The following TRIM5 variants were observed in gnomAD, a reference collection of about 807,000 sequenced individuals.
TRIM5 encodes the protein tripartite motif-containing protein 5.
In TRIM5, 31 loss-of-function variants were observed where a neutral mutation model predicts 35.6. That is an observed-to-expected ratio of 0.87 (90% CI 0.65 to 1.18). TRIM5 has a LOEUF of 1.18. Ranked by LOEUF, TRIM5 falls within the 50% of genes most tolerant of loss-of-function variation. TRIM5 has a pLI of 0.00. For missense variants in TRIM5, 609 were observed against 591.6 expected (o/e 1.03, Z -0.31); for synonymous variants, 243 against 215.6 (o/e 1.13, Z -1.11).
At chr11:5,646,415 T>C in the TRIM5 span, among the ~76,000 whole-genome samples, 2 of 152,154 alleles carry the variant, frequency 1.3e-5, no homozygotes, top group African/African-American at 4.8e-5. Flanking sequence ...TATGACCACA[T>C]CATCAGCACA....
At chr11:5,642,762 T>C in the TRIM5 span, 2 of 1,609,534 alleles carry the variant, frequency 1.2e-6, no homozygotes, top group Admixed American at 1.7e-5. Context: ...TATATAGGTA[T>C]CAGTGCTTAC....
chr11:5,592,964 G>C, the TRIM5 span, among the ~76,000 whole-genome samples: 5 of 148,216 alleles, frequency 3.4e-5, no homozygotes, highest in Admixed American at 2.0e-4. Flanking sequence ...GAAAAAATGA[G>C]AGGAAAGTAG....
chr11:5,620,759 T>A, the TRIM5 span, among the ~76,000 whole-genome samples: 1 of 152,154 alleles, frequency 6.6e-6, no homozygotes, highest in African/African-American at 2.4e-5. Context: ...TCCTCCAGAT[T>A]AGCTTCTTCT....
At chr11:5,605,453 G>C in the TRIM5 span, 1 of 1,614,192 alleles carries the variant, frequency 6.2e-7, no homozygotes, top group Non-Finnish European at 8.5e-7. Context: ...AGAAGAAGGG[G>C]CTACGAATTA....
the TRIM5 span, among the ~76,000 whole-genome samples, chr11:5,629,268 C>A: frequency 6.6e-6 from 1 of 151,820 alleles, no homozygotes; most frequent in East Asian, 1.9e-4. Flanking sequence ...CAGAGCGAAA[C>A]TCCATCTCAA....
At chr11:5,645,867 G>A in the TRIM5 span, 50 of 135,594 alleles carry the variant, frequency 3.7e-4, no homozygotes, top group East Asian at 9.5e-4. Flanking sequence ...TAGTCTTCTG[G>A]AAAAAAAAAA....
the TRIM5 span, among the ~76,000 whole-genome samples, chr11:5,594,063 G>A: frequency 2.0e-5 from 3 of 152,230 alleles, no homozygotes; most frequent in South Asian, 6.2e-4. Context: ...TCTTTGCACG[G>A]ATATGTTTTC....
At chr11:5,630,516 A>G in the TRIM5 span, among the ~76,000 whole-genome samples, 1 of 152,214 alleles carries the variant, frequency 6.6e-6, no homozygotes, top group Non-Finnish European at 1.5e-5. Context: ...GGCTTTTTGC[A>G]TATCAGCCAC....
chr11:5,665,361 A>G lies in TRIM5; in HGVS notation c.930T>C (p.Cys310=). The change falls in exon 8 of 8, where the codon TGT becomes TGC. Residue 310 remains cysteine, a synonymous_variant. Transcript: ENST00000380034. The part of the protein sequence containing the change: ...DVTVAPNNIS[C]AVISEDKRQV... ...GTCTCTTATCTTCAGAAATGACAGCACATGAAATGTTGTTTGGAGCCACTG... is the reference window on the plus strand; with the variant it reads ...GTCTCTTATCTTCAGAAATGACAGCGCATGAAATGTTGTTTGGAGCCACTG... 6.2e-7 allele frequency: 1 copy of G among 1,612,992 alleles called. No homozygotes were observed. The highest frequency in any genetic ancestry group is 8.5e-7 in the Non-Finnish European group (1 of 1,179,516).
the TRIM5 span, chr11:5,611,202 A>G: frequency 6.2e-7 from 1 of 1,614,090 alleles, no homozygotes; most frequent in Non-Finnish European, 8.5e-7. Context: ...TGAGGCTGGT[A>G]CTGTCTCCTT....
At chr11:5,601,859 A>T in the TRIM5 span, among the ~76,000 whole-genome samples, 1 of 152,110 alleles carries the variant, frequency 6.6e-6, no homozygotes, top group Non-Finnish European at 1.5e-5. Flanking sequence ...TATGTGGAGC[A>T]GGGCCGTTAA....
the TRIM5 span, among the ~76,000 whole-genome samples, chr11:5,629,896 T>C: frequency 6.6e-6 from 1 of 152,054 alleles, no homozygotes; most frequent in Admixed American, 6.6e-5. Flanking sequence ...TTAGTAGAGA[T>C]GGGGTTTCAC....
the TRIM5 span, among the ~76,000 whole-genome samples, chr11:5,640,138 T>C: frequency 6.6e-6 from 1 of 152,218 alleles, no homozygotes; most frequent in African/African-American, 2.4e-5. Context: ...CTGCCCTGAC[T>C]AGAACCTCCA....
At chr11:5,633,559 ATACT>A in the TRIM5 span, among the ~76,000 whole-genome samples, 1 of 152,220 alleles carries the variant, frequency 6.6e-6, no homozygotes, top group Non-Finnish European at 1.5e-5. Flanking sequence ...TGCAGGGTAA[ATACT>A]TACTCTAAGG....
chr11:5,664,754 G>A lies in TRIM5; in HGVS notation c.*55C>T. ...ATGATGCAAATGAGTTCAGGTGTAT[G>A]AGATGCACCTGGACAAGAGGTGCTG... On this transcript the variant is annotated 3_prime_UTR_variant, in exon 8 of 8. Transcript: ENST00000380034. 6.6e-7 allele frequency: 1 copy of A among 1,521,244 alleles called. No individual in the cohort carries two copies. The highest frequency in any genetic ancestry group is 1.4e-5 in the South Asian group (1 of 73,902). The allele number at this position is 1,521,244 out of a possible 1,614,324, so 94.2% of individuals were successfully genotyped here.
At chr11:5,595,150 A>T in the TRIM5 span, 1 of 152,216 alleles carries the variant, frequency 6.6e-6, no homozygotes, top group African/African-American at 2.4e-5. Flanking sequence ...TCCTCCGTCC[A>T]GACTTTTGTA....
the TRIM5 span, chr11:5,604,570 GA>G: frequency 1.9e-6 from 3 of 1,613,218 alleles, no homozygotes; most frequent in Non-Finnish European, 2.5e-6. Context: ...GCTGAAGAAC[GA>G]GGAGCAGGAA....
At chr11:5,598,644 A>G in the TRIM5 span, among the ~76,000 whole-genome samples, 1 of 152,192 alleles carries the variant, frequency 6.6e-6, no homozygotes, top group Non-Finnish European at 1.5e-5. Context: ...TCAAAATCCA[A>G]TGTGTATTTT....
chr11:5,636,683 A>G, the TRIM5 span, among the ~76,000 whole-genome samples: 1 of 152,184 alleles, frequency 6.6e-6, no homozygotes, highest in Non-Finnish European at 1.5e-5. Flanking sequence ...CTTAGTTGCT[A>G]TTTGGTCACT....
Sources: gnomAD v4.1 joint callset for allele counts (sites outside exome capture counted in the v4.1 genomes callset) on GRCh38, gnomAD v4.1.1 for gene constraint, MANE v1.5 for transcripts, NCBI Gene and HGNC (gene_info 2026-07-23, HGNC 2026-07-21) for gene names.